The following MYRIP variants were observed in gnomAD, a reference collection of about 807,000 sequenced individuals.
The protein encoded by MYRIP is rab effector MyRIP.
Under a neutral mutation model 98.0 loss-of-function variants are expected in MYRIP, and 49 were observed. That is an observed-to-expected ratio of 0.50 (90% CI 0.40 to 0.63). MYRIP has a LOEUF of 0.63. Ranked by LOEUF, MYRIP falls within the 30% of genes least tolerant of loss-of-function variation. The probability of loss-of-function intolerance (pLI) is 0.00; values close to 1 mark genes in which losing one functional copy is unlikely to be tolerated. For synonymous variants in MYRIP, 404 were observed against 409.5 expected, an observed-to-expected ratio of 0.99 and a Z score of 0.16; for missense variants, 1,004 against 1,058.2, an observed-to-expected ratio of 0.95 and a Z score of 0.71.
intron 3 of MYRIP, among the ~76,000 whole-genome samples, chr3:40,133,106 C>T (rs1017015862): frequency 1.3e-5 from 2 of 152,180 alleles, no homozygotes; most frequent in Non-Finnish European, 2.9e-5. Flanking sequence ...TGTGTGGTGC[C>T]TAGAGTGATG....
At chr3:39,981,421 T>A (rs780357897) in intron 2 of MYRIP, among the ~76,000 whole-genome samples, 1 of 152,228 alleles carries the variant, frequency 6.6e-6, no homozygotes. Flanking sequence ...TTTTGTTATT[T>A]GATATCTATT....
chr3:40,198,426 G>A (rs1951459906), intron 10 of MYRIP, among the ~76,000 whole-genome samples: 1 of 152,180 alleles, frequency 6.6e-6, no homozygotes, highest in Non-Finnish European at 1.5e-5. Flanking sequence ...AGAAAAGGTA[G>A]AGAGTGAATG....
chr3:40,047,211 G>A (rs1032295091), intron 3 of MYRIP, among the ~76,000 whole-genome samples: 10 of 152,214 alleles, frequency 6.6e-5, no homozygotes, highest in African/African-American at 2.2e-4. Context: ...AGGCAGCAAT[G>A]GCTGCCAAGA....
intron 3 of MYRIP, among the ~76,000 whole-genome samples, chr3:40,104,896 A>G (rs2125895662): frequency 6.6e-6 from 1 of 152,256 alleles, no homozygotes; most frequent in South Asian, 2.1e-4. Context: ...AGGAGTCAAG[A>G]CTTGTTCTAA....
At chr3:39,894,242 A>G (rs1943552572) in intron 1 of MYRIP, among the ~76,000 whole-genome samples, 2 of 152,246 alleles carry the variant, frequency 1.3e-5, no homozygotes, top group Admixed American at 6.5e-5. Context: ...GAACACATCA[A>G]TGTAACCAGC....
chr3:39,930,627 A>G (rs1646522081), intron 2 of MYRIP, among the ~76,000 whole-genome samples: 2 of 152,080 alleles, frequency 1.3e-5, no homozygotes, highest in Non-Finnish European at 2.9e-5. Context: ...ATTTACATCT[A>G]TATTTTCCTC....
intron 2 of MYRIP, among the ~76,000 whole-genome samples, chr3:39,939,476 A>G (rs1468313610): frequency 7.2e-4 from 109 of 152,178 alleles, no homozygotes; most frequent in Non-Finnish European, 2.9e-5. Context: ...ACATCTAGTG[A>G]AACACACACG....
At chr3:39,985,941 A>C (rs897960175) in intron 2 of MYRIP, among the ~76,000 whole-genome samples, 1 of 152,028 alleles carries the variant, frequency 6.6e-6, no homozygotes, top group East Asian at 1.9e-4. Context: ...TGGCAACAAA[A>C]GCCAAAATTG....
rs533984703 is a variant in MYRIP at position 40,001,547 on chromosome 3, G to A, written c.111-42503G>A. 1.2e-4 allele frequency among the ~76,000 whole-genome samples: 19 copies of A among 152,286 alleles called. No homozygotes were observed. The South Asian group carries it at 3.7e-3, about 30-fold the overall frequency. ...GAATCATTCAAGTCTTTCACCTTTC[G>A]AGTTAGAGAACCACATAATAGTAAC... On this transcript the variant is annotated intron_variant, in intron 2 of 16. Transcript: ENST00000302541.
At chr3:40,092,310 T>C (rs1374591531) in intron 3 of MYRIP, among the ~76,000 whole-genome samples, 1 of 152,126 alleles carries the variant, frequency 6.6e-6, no homozygotes, top group Admixed American at 6.5e-5. Flanking sequence ...TTTTGCATGC[T>C]TCCTGGGCTC....
At chr3:40,257,819 A>AAAG (rs1293861663) in intron 16 of MYRIP, among the ~76,000 whole-genome samples, 3 of 152,356 alleles carry the variant, frequency 2.0e-5, no homozygotes, top group Middle Eastern at 3.4e-3. Flanking sequence ...TATCTTTATA[A>AAAG]AAGATTTAGA....
At chr3:40,077,091 G>A (rs954442511) in intron 3 of MYRIP, among the ~76,000 whole-genome samples, 1 of 152,046 alleles carries the variant, frequency 6.6e-6, no homozygotes, top group Non-Finnish European at 1.5e-5. Context: ...TCCTTCTGAT[G>A]TTCGGGTGTG....
At chr3:39,993,542 GACT>G (rs1218184400) in intron 2 of MYRIP, among the ~76,000 whole-genome samples, 1 of 152,106 alleles carries the variant, frequency 6.6e-6, no homozygotes, top group Non-Finnish European at 1.5e-5. Flanking sequence ...TTAAATTTTT[GACT>G]ACAAGAGTCA....
At chr3:40,210,665 T>A (rs1951902748) in intron 11 of MYRIP, among the ~76,000 whole-genome samples, 1 of 152,086 alleles carries the variant, frequency 6.6e-6, no homozygotes, top group Admixed American at 6.5e-5. Flanking sequence ...CAGAAAAAAA[T>A]TATTCTTGTC....
At chr3:40,126,533 C>A (rs1377085192) in intron 3 of MYRIP, among the ~76,000 whole-genome samples, 2 of 152,142 alleles carry the variant, frequency 1.3e-5, no homozygotes, top group Admixed American at 6.5e-5. Context: ...TGGTGAGGCA[C>A]TGTGCTAATT....
intron 2 of MYRIP, among the ~76,000 whole-genome samples, chr3:39,906,529 C>T (rs1403486369): frequency 6.6e-6 from 1 of 152,148 alleles, no homozygotes; most frequent in Non-Finnish European, 1.5e-5. Flanking sequence ...ACAGTATCTT[C>T]AACTTTGTCT....
intron 3 of MYRIP, among the ~76,000 whole-genome samples, chr3:40,109,940 A>G (rs4676571): frequency 0.79 from 120,539 of 152,254 alleles, 47,961 homozygotes; most frequent in Admixed American, 0.85. Context: ...GCCCAGCATC[A>G]AGTTGAACAG....
chr3:40,026,063 T>C (rs1947119853), intron 2 of MYRIP, among the ~76,000 whole-genome samples: 1 of 152,088 alleles, frequency 6.6e-6, no homozygotes. Flanking sequence ...CTGACGGTAA[T>C]GCAGGAGACC....
At chr3:40,026,238 G>T (rs1307549201) in intron 2 of MYRIP, among the ~76,000 whole-genome samples, 3 of 152,102 alleles carry the variant, frequency 2.0e-5, no homozygotes, top group African/African-American at 4.8e-5. Context: ...ACGTCTGTTT[G>T]TAGGCTCTCT....
Sources: allele counts gnomAD v4.1 joint callset (sites outside exome capture counted in the v4.1 genomes callset), GRCh38; gene constraint gnomAD v4.1.1; transcripts MANE v1.5; gene names NCBI Gene and HGNC (gene_info 2026-07-23, HGNC 2026-07-21).